Variants in LRFN5 observed in about 807,000 individuals in gnomAD.
The protein encoded by LRFN5 is leucine-rich repeat and fibronectin type-III domain-containing protein 5.
Under a neutral mutation model 45.6 loss-of-function variants are expected in LRFN5, and 24 were observed. The observed-to-expected ratio is 0.53, with a 90% confidence interval of 0.38 to 0.74. The LOEUF (loss-of-function observed/expected upper bound fraction) is 0.74, where lower values mean the gene tolerates loss of function less well. Among genes scored for constraint, LRFN5 ranks in the 30% least tolerant of loss-of-function variants. The pLI is 0.00. For missense variants in LRFN5, 776 were observed against 861.5 expected (o/e 0.90, Z 1.24); for synonymous variants, 340 against 313.8 (o/e 1.08, Z -0.88).
intron 2 of LRFN5, among the ~76,000 whole-genome samples, chr14:41,870,091 G>A (rs573014458): frequency 1.9e-4 from 29 of 152,088 alleles, no homozygotes; most frequent in Non-Finnish European, 3.7e-4. Context: ...TGGGTCTTCT[G>A]TTCAAGGCTA....
intron 2 of LRFN5, among the ~76,000 whole-genome samples, chr14:41,886,137 A>G (rs1306067181): frequency 6.6e-6 from 1 of 152,048 alleles, no homozygotes; most frequent in East Asian, 1.9e-4. Context: ...GCTAACAAAT[A>G]TTGTATTTTA....
chr14:41,678,275 C>CAT (rs545639673), intron 1 of LRFN5, among the ~76,000 whole-genome samples: 4,340 of 151,254 alleles, frequency 0.029, 85 homozygotes, highest in Admixed American at 0.065. Context: ...TATACATATA[C>CAT]ATATATATAT....
At chr14:41,874,603 G>A (rs999179809) in intron 2 of LRFN5, among the ~76,000 whole-genome samples, 2 of 152,108 alleles carry the variant, frequency 1.3e-5, no homozygotes, top group African/African-American at 2.4e-5. Flanking sequence ...AATTTATCAA[G>A]TAGAGGAATT....
chr14:41,783,116 G>A (rs190185031), intron 2 of LRFN5, among the ~76,000 whole-genome samples: 1 of 151,898 alleles, frequency 6.6e-6, no homozygotes, highest in African/African-American at 2.4e-5. Flanking sequence ...AAAAATCTGG[G>A]TATATTTCAG....
At chr14:41,886,467 A>G (rs550157040) in intron 2 of LRFN5, 139 bp from the exon 3 acceptor site, 197 of 595,232 alleles carry the variant, frequency 3.3e-4, no homozygotes, top group Non-Finnish European at 5.0e-4. Context: ...TTACTACAGA[A>G]TAAATATTAA....
At chr14:41,729,133 G>A (rs796491740) in intron 1 of LRFN5, among the ~76,000 whole-genome samples, 6 of 152,206 alleles carry the variant, frequency 3.9e-5, no homozygotes, top group East Asian at 1.9e-4. Flanking sequence ...ATCTCATGTC[G>A]AAATGTGATT....
chr14:41,882,234 T>A (rs976175958), intron 2 of LRFN5, among the ~76,000 whole-genome samples: 1 of 148,442 alleles, frequency 6.7e-6, no homozygotes, highest in Non-Finnish European at 1.5e-5. Flanking sequence ...CCCCTAGCAT[T>A]TTTTTTTCTT....
At chr14:41,703,535 A>G (rs1882923404) in intron 1 of LRFN5, among the ~76,000 whole-genome samples, 1 of 152,038 alleles carries the variant, frequency 6.6e-6, no homozygotes, top group Non-Finnish European at 1.5e-5. Flanking sequence ...CAGGTAAGAC[A>G]GTGTTTTTTT....
intron 2 of LRFN5, among the ~76,000 whole-genome samples, chr14:41,781,606 A>AAG (rs1321185201): frequency 3.1e-4 from 28 of 90,776 alleles, no homozygotes; most frequent in South Asian, 1.2e-3. Context: ...GAAAGAAAGA[A>AAG]AGAAAGAAAG....
intron 2 of LRFN5, among the ~76,000 whole-genome samples, chr14:41,795,782 G>T (rs1264312186): frequency 6.6e-6 from 1 of 151,944 alleles, no homozygotes; most frequent in Middle Eastern, 3.4e-3. Context: ...GTCGTAGGTT[G>T]GGGGGAGGGG....
At chr14:41,649,817 A>T (rs1338723198) in intron 1 of LRFN5, among the ~76,000 whole-genome samples, 1 of 151,940 alleles carries the variant, frequency 6.6e-6, no homozygotes, top group Non-Finnish European at 1.5e-5. Flanking sequence ...ATAAATTCCT[A>T]CTTGACCCTG....
chr14:41,625,425 C>T (rs930840974), intron 1 of LRFN5, among the ~76,000 whole-genome samples: 2 of 152,110 alleles, frequency 1.3e-5, no homozygotes, highest in Non-Finnish European at 2.9e-5. Flanking sequence ...ACTTCTGCCA[C>T]GGTTGTAAGT....
intron 1 of LRFN5, among the ~76,000 whole-genome samples, chr14:41,760,489 A>G (rs1274310523): frequency 6.6e-6 from 1 of 152,232 alleles, no homozygotes; most frequent in Non-Finnish European, 1.5e-5. Context: ...TGCACATTAA[A>G]AAATTGATCT....
At chr14:41,622,522 T>C (rs1888172174) in intron 1 of LRFN5, among the ~76,000 whole-genome samples, 1 of 152,128 alleles carries the variant, frequency 6.6e-6, no homozygotes, top group South Asian at 2.1e-4. Flanking sequence ...TATCAAATAC[T>C]GAATCTCTAT....
At chr14:41,804,969 A>G (rs1389962107) in intron 2 of LRFN5, among the ~76,000 whole-genome samples, 1 of 152,084 alleles carries the variant, frequency 6.6e-6, no homozygotes, top group African/African-American at 2.4e-5. Context: ...ATTAGCTATT[A>G]ATTGTAAATA....
chr14:41,616,574 C>A (rs929195646), intron 1 of LRFN5, among the ~76,000 whole-genome samples: 3 of 152,036 alleles, frequency 2.0e-5, no homozygotes, highest in African/African-American at 4.8e-5. Context: ...AGTTTTTCAG[C>A]CTCTATATGA....
At chr14:41,689,973 AC>A (rs1457335429) in intron 1 of LRFN5, among the ~76,000 whole-genome samples, 1 of 151,964 alleles carries the variant, frequency 6.6e-6, no homozygotes, top group Non-Finnish European at 1.5e-5. Flanking sequence ...ACTATGAAAA[AC>A]ATTGAAAGAA....
intron 1 of LRFN5, among the ~76,000 whole-genome samples, chr14:41,665,549 A>C (rs979735997): frequency 1.3e-5 from 2 of 151,888 alleles, no homozygotes; most frequent in Non-Finnish European, 2.9e-5. Context: ...TAATTATCAT[A>C]GTTACAGCAA....
intron 1 of LRFN5, among the ~76,000 whole-genome samples, chr14:41,621,287 A>G (rs775868411): frequency 1.6e-4 from 25 of 152,238 alleles, no homozygotes; most frequent in Non-Finnish European, 2.5e-4. Flanking sequence ...AGTCTCTCAA[A>G]CTGATTCAAA....
Sources: gnomAD v4.1 joint callset for allele counts (sites outside exome capture counted in the v4.1 genomes callset) on GRCh38, gnomAD v4.1.1 for gene constraint, MANE v1.5 for transcripts, NCBI Gene and HGNC (gene_info 2026-07-23, HGNC 2026-07-21) for gene names.